Variants in CAPZB observed in about 807,000 individuals in gnomAD.
CAPZB encodes the protein capping actin protein of muscle Z-line subunit beta, also known as F-actin-capping protein subunit beta.
CAPZB carries 2 observed loss-of-function variants against 38.1 expected under a neutral mutation model. That is an observed-to-expected ratio of 0.05 (90% confidence interval 0.02 to 0.17). The LOEUF is 0.17. CAPZB is among the 10% of genes least tolerant of loss of function. CAPZB has a pLI of 1.00. For missense variants in CAPZB, 161 were observed against 334.2 expected (o/e 0.48, Z 4.04); for synonymous variants, 107 against 127.4 (o/e 0.84, Z 1.08).
chr1:19,432,532 G>A (rs2094445971), intron 1 of CAPZB, among the ~76,000 whole-genome samples: 1 of 152,078 alleles, frequency 6.6e-6, no homozygotes, highest in African/African-American at 2.4e-5. Context: ...AGAATACTAG[G>A]TATCCAAAAG....
At chr1:19,406,578 CA>C (rs893724370) in intron 2 of CAPZB, among the ~76,000 whole-genome samples, 1 of 152,196 alleles carries the variant, frequency 6.6e-6, no homozygotes, top group Non-Finnish European at 1.5e-5. Context: ...GCTTTGGGCA[CA>C]AACAGCGTGA....
chr1:19,417,211 T>C (rs1300309033), intron 2 of CAPZB, among the ~76,000 whole-genome samples: 2 of 152,136 alleles, frequency 1.3e-5, no homozygotes, highest in African/African-American at 4.8e-5. Context: ...GACACAGCTG[T>C]AGTAAAACAC....
chr1:19,344,797 G>A (rs771758938), intron 7 of CAPZB, among the ~76,000 whole-genome samples: 4 of 152,212 alleles, frequency 2.6e-5, no homozygotes, highest in South Asian at 2.1e-4. Flanking sequence ...ACAACGTGGT[G>A]ACAGGAGGGC....
chr1:19,474,368 A>G (rs531838975), intron 1 of CAPZB, among the ~76,000 whole-genome samples: 1 of 152,264 alleles, frequency 6.6e-6, no homozygotes, highest in South Asian at 2.1e-4. Context: ...TTTGCTGCTC[A>G]GGAAGTTGAG....
chr1:19,382,987 G>T (rs2094183253), intron 3 of CAPZB, among the ~76,000 whole-genome samples: 1 of 151,780 alleles, frequency 6.6e-6, no homozygotes, highest in African/African-American at 2.4e-5. Context: ...CACTTCATCA[G>T]TGGCTCCCTG....
Position 19,365,385 on chromosome 1 carries a change from T to A in CAPZB, c.330-7822A>T, listed in dbSNP as rs1363437218. On this transcript the variant is annotated intron_variant, in intron 4 of 8. Coordinates refer to ENST00000264202, the MANE Select transcript of CAPZB (RefSeq NM_004930.5). ...AGGAATATACGTGAAAGCAGGAGAC[T>A]GTGCAAATGAGGATGTCACTGAGTT... Among the ~76,000 whole-genome samples, 4 of 152,344 alleles carry A rather than the reference T, an allele frequency of 2.6e-5. 1 individual carries two copies. In the East Asian group the frequency reaches 7.7e-4, roughly 29 times the overall value.
intron 1 of CAPZB, among the ~76,000 whole-genome samples, chr1:19,481,545 C>G (rs1462424417): frequency 2.0e-5 from 3 of 152,198 alleles, no homozygotes; most frequent in Non-Finnish European, 2.9e-5. Context: ...TGGGCTATAA[C>G]CTAAGTCATG....
At chr1:19,416,042 T>C (rs1202519164) in intron 2 of CAPZB, among the ~76,000 whole-genome samples, 1 of 152,214 alleles carries the variant, frequency 6.6e-6, no homozygotes, top group Non-Finnish European at 1.5e-5. Flanking sequence ...CCAGGTGGCC[T>C]CCACACAGCC....
intron 1 of CAPZB, among the ~76,000 whole-genome samples, chr1:19,438,227 C>T (rs536233490): frequency 2.0e-4 from 31 of 152,200 alleles, no homozygotes; most frequent in African/African-American, 5.3e-4. Context: ...CTAGGGAGTG[C>T]GCGATCAGAG....
chr1:19,371,824 A>C (rs2100390421), intron 4 of CAPZB, among the ~76,000 whole-genome samples: 1 of 152,388 alleles, frequency 6.6e-6, no homozygotes, highest in Middle Eastern at 3.4e-3. Flanking sequence ...GGACCCCGGA[A>C]ATCAGGTGCA....
At chr1:19,465,676 G>A (rs958483193) in intron 1 of CAPZB, among the ~76,000 whole-genome samples, 1 of 152,106 alleles carries the variant, frequency 6.6e-6, no homozygotes, top group Admixed American at 6.6e-5. Flanking sequence ...AGAGGGTGGG[G>A]AGAATGAAAA....
intron 2 of CAPZB, among the ~76,000 whole-genome samples, chr1:19,397,563 GAGA>G (rs2094278483): frequency 1.3e-5 from 2 of 152,236 alleles, no homozygotes; most frequent in Admixed American, 1.3e-4. Context: ...TGGTGGCAGA[GAGA>G]AGTACTTGGC....
chr1:19,469,656 A>G (rs1291521607), intron 1 of CAPZB, among the ~76,000 whole-genome samples: 1 of 151,580 alleles, frequency 6.6e-6, no homozygotes, highest in African/African-American at 2.4e-5. Flanking sequence ...CCGGTTCAAG[A>G]AGGTGCAGAG....
At chr1:19,458,289 A>G (rs185171048) in intron 1 of CAPZB, among the ~76,000 whole-genome samples, 2 of 152,322 alleles carry the variant, frequency 1.3e-5, no homozygotes, top group Admixed American at 1.3e-4. Context: ...TACTTTTATG[A>G]AAGTATTTTT....
rs1451858295 is a variant in CAPZB at position 19,484,542 on chromosome 1, T to C, written c.3+894A>G. The C allele has an allele frequency of 3.8e-6, 5 of 1,302,202 alleles. No individual in the cohort carries two copies. The East Asian group carries it at 1.5e-4, about 38-fold the overall frequency. The allele number at this position is 1,302,202 out of a possible 1,614,324, so 80.7% of individuals were successfully genotyped here. On this transcript the variant is annotated intron_variant, in intron 1 of 8. Coordinates refer to ENST00000264202, the MANE Select transcript of CAPZB (RefSeq NM_004930.5). ...CGATGCCCGCCCTTCCCTCGCTGGC[T>C]CCTAGGCGGCCTCCCTAGAAGCGGC...
At chr1:19,354,702 A>C (rs1251231382) in intron 6 of CAPZB, among the ~76,000 whole-genome samples, 1 of 152,164 alleles carries the variant, frequency 6.6e-6, no homozygotes, top group Non-Finnish European at 1.5e-5. Context: ...CTCTGATTTA[A>C]ACTATTAGGA....
rs2094162581 is a variant in CAPZB at position 19,379,507 on chromosome 1, A to G, written c.216-854T>C. On this transcript the variant is annotated intron_variant, in intron 3 of 8. Coordinates refer to ENST00000264202, the MANE Select transcript of CAPZB (RefSeq NM_004930.5). ...CTTACATAGTAAGCGTTAAGAAGAGAGCTGTCAGTTACAGAGGCGGGCAAG... is the reference window on the plus strand; with the variant it reads ...CTTACATAGTAAGCGTTAAGAAGAGGGCTGTCAGTTACAGAGGCGGGCAAG... 2.0e-5 allele frequency among the ~76,000 whole-genome samples: 3 copies of G among 152,188 alleles called. No individual in the cohort carries two copies. The South Asian group carries it at 6.2e-4, about 32-fold the overall frequency.
chr1:19,383,191 A>T (rs1040158204), intron 3 of CAPZB, among the ~76,000 whole-genome samples: 2 of 151,952 alleles, frequency 1.3e-5, no homozygotes, highest in African/African-American at 4.8e-5. Flanking sequence ...CATGCCTATA[A>T]TCCTGACATT....
intron 3 of CAPZB, among the ~76,000 whole-genome samples, chr1:19,379,600 C>T (rs2094163133): frequency 6.6e-6 from 1 of 152,182 alleles, no homozygotes; most frequent in South Asian, 2.1e-4. Flanking sequence ...TCCACGTGAA[C>T]ACAGGATAGC....
Sources: allele counts gnomAD v4.1 joint callset (sites outside exome capture counted in the v4.1 genomes callset), GRCh38; gene constraint gnomAD v4.1.1; transcripts MANE v1.5; gene names NCBI Gene and HGNC (gene_info 2026-07-23, HGNC 2026-07-21).